SGPP2: variants seen among roughly 807,000 people sequenced by gnomAD.
SGPP2 encodes the protein sphingosine 1-phosphate phosphohydrolase 2.
A neutral mutation model predicts 33.9 loss-of-function variants in SGPP2; 30 were observed. The ratio of observed to expected loss-of-function variants is 0.89; its 90% CI spans 0.66 to 1.20. The LOEUF is 1.20. Among genes scored for constraint, SGPP2 ranks in the 50% most tolerant of loss-of-function variants. The probability of loss-of-function intolerance (pLI) is 0.00; values close to 1 mark genes in which losing one functional copy is unlikely to be tolerated. For missense variants in SGPP2, 458 were observed against 532.1 expected (o/e 0.86, Z 1.37); for synonymous variants, 233 against 225.0 (o/e 1.04, Z -0.32).
At chr2:222,506,239 C>G (rs1168615815) in intron 2 of SGPP2, among the ~76,000 whole-genome samples, 1 of 152,208 alleles carries the variant, frequency 6.6e-6, no homozygotes, top group African/African-American at 2.4e-5. Context: ...AAAAAGTGAT[C>G]TCTTAAAGTT....
intron 3 of SGPP2, among the ~76,000 whole-genome samples, chr2:222,523,907 C>T (rs968281274): frequency 5.9e-5 from 9 of 152,106 alleles, no homozygotes; most frequent in Admixed American, 5.9e-4. Flanking sequence ...ACCTTAAGAA[C>T]AGACATGACA....
chr2:222,535,181 C>A (rs753677607), intron 4 of SGPP2, among the ~76,000 whole-genome samples: 5 of 151,778 alleles, frequency 3.3e-5, no homozygotes, highest in Non-Finnish European at 5.9e-5. Context: ...GTTCAAGACT[C>A]AGCCTGGCCA....
intron 1 of SGPP2, among the ~76,000 whole-genome samples, chr2:222,429,153 TA>T (rs1375378024): frequency 6.6e-6 from 1 of 152,100 alleles, no homozygotes; most frequent in African/African-American, 2.4e-5. Context: ...GGCTGTACAG[TA>T]TAGTCACTTA....
intron 1 of SGPP2, among the ~76,000 whole-genome samples, chr2:222,444,957 A>G (rs1697377911): frequency 6.6e-6 from 1 of 152,222 alleles, no homozygotes; most frequent in South Asian, 2.1e-4. Context: ...AGCTTTTAGC[A>G]TGCAAGCATC....
intron 2 of SGPP2, among the ~76,000 whole-genome samples, chr2:222,515,680 A>T (rs1415727662): frequency 2.6e-5 from 4 of 152,148 alleles, no homozygotes; most frequent in African/African-American, 9.7e-5. Flanking sequence ...TATACAATTC[A>T]CCCATTTAAA....
intron 1 of SGPP2, among the ~76,000 whole-genome samples, chr2:222,471,857 T>C (rs1697848203): frequency 6.6e-6 from 1 of 152,234 alleles, no homozygotes; most frequent in South Asian, 2.1e-4. Context: ...ATTAAAATTA[T>C]GCTTTTTAGT....
chr2:222,494,225 G>A (rs1305163767), intron 2 of SGPP2, among the ~76,000 whole-genome samples: 2 of 152,100 alleles, frequency 1.3e-5, no homozygotes, highest in Non-Finnish European at 2.9e-5. Flanking sequence ...CGCAAATGAA[G>A]CCAATTAAGA....
chr2:222,476,323 G>A lies in SGPP2; in HGVS notation c.378+1597G>A, dbSNP rs7599949. Among the ~76,000 whole-genome samples the A allele has an allele frequency of 0.11, 16,280 of 152,066 alleles. 1,161 individuals are homozygous for A. Among genetic ancestry groups the A allele is most frequent in the African/African-American group, 0.2 (8,080 of 41,406 alleles). On this transcript the variant is annotated intron_variant, in intron 2 of 4. Transcript: ENST00000321276. The surrounding 1 kb of genome is among the most constrained non-coding windows in gnomAD (Gnocchi z 4.3). ...TGGGCCAGGGTGAGGGGTGGCAAGG[G>A]CGGGGTATCCACACAAATTCTTCAC... is the stretch of plus-strand genomic sequence containing the variant.
intron 1 of SGPP2, among the ~76,000 whole-genome samples, chr2:222,468,335 A>G (rs1205912001): frequency 1.3e-5 from 2 of 151,934 alleles, no homozygotes; most frequent in Admixed American, 6.6e-5. Context: ...ATCATTTTAT[A>G]TAGTAGGCCC....
chr2:222,513,961 A>G (rs1698567012), intron 2 of SGPP2, among the ~76,000 whole-genome samples: 1 of 152,246 alleles, frequency 6.6e-6, no homozygotes. Flanking sequence ...AAATGGAATC[A>G]TACAATGTGT....
chr2:222,473,924 CAA>C (rs59649395), intron 1 of SGPP2, among the ~76,000 whole-genome samples: 7,292 of 127,392 alleles, frequency 0.057, 374 homozygotes, highest in East Asian at 0.26. Flanking sequence ...AACTCTGTCT[CAA>C]AAAAAAAAAA....
At chr2:222,515,444 T>G (rs1698590446) in intron 2 of SGPP2, among the ~76,000 whole-genome samples, 1 of 152,120 alleles carries the variant, frequency 6.6e-6, no homozygotes, top group South Asian at 2.1e-4. Context: ...TTCTGCTGCC[T>G]CAGCCTCCTG....
At chr2:222,517,230 G>C (rs1389882109) in intron 2 of SGPP2, among the ~76,000 whole-genome samples, 1 of 152,170 alleles carries the variant, frequency 6.6e-6, no homozygotes, top group Non-Finnish European at 1.5e-5. Context: ...GCCCTAAATA[G>C]GAACAGGCAT....
chr2:222,543,193 T>C (rs1699022925), intron 4 of SGPP2, among the ~76,000 whole-genome samples: 1 of 152,246 alleles, frequency 6.6e-6, no homozygotes, highest in South Asian at 2.1e-4. Context: ...TTTGTGAGGT[T>C]TTATTGTTTT....
chr2:222,497,399 A>G (rs1698299199), intron 2 of SGPP2, among the ~76,000 whole-genome samples: 1 of 151,570 alleles, frequency 6.6e-6, no homozygotes, highest in African/African-American at 2.4e-5. Flanking sequence ...GGACTATGTC[A>G]CCACAGCCAG....
At position 222,550,553 on chromosome 2, in the gene SGPP2, C is replaced by T. The variant is rs1444841101; in HGVS notation, c.649-7794C>T. Among the ~76,000 whole-genome samples, 1 of 152,156 alleles carries T rather than the reference C, an allele frequency of 6.6e-6. No homozygotes were observed. The highest frequency in any genetic ancestry group is 2.4e-5 in the African/African-American group (1 of 41,432). On this transcript the variant is annotated intron_variant, in intron 4 of 4. Coordinates refer to ENST00000321276, the MANE Select transcript of SGPP2 (RefSeq NM_152386.4). This position sits in a 1 kb window ranked among gnomAD's most constrained non-coding sequence, Gnocchi z 4.5. Reference sequence around the variant, plus strand: ...AATTAGGATCATACTTTCTGTAAAGCTTGTATTCTGTTTAAAACATCTCAC... The same window carrying T: ...AATTAGGATCATACTTTCTGTAAAGTTTGTATTCTGTTTAAAACATCTCAC...
chr2:222,448,452 T>C (rs543697912), intron 1 of SGPP2, among the ~76,000 whole-genome samples: 2 of 152,306 alleles, frequency 1.3e-5, no homozygotes, highest in East Asian at 3.9e-4. Flanking sequence ...ACACTTACTC[T>C]CCCACTTGTT....
At chr2:222,493,485 G>T (rs1339058870) in intron 2 of SGPP2, among the ~76,000 whole-genome samples, 1 of 152,144 alleles carries the variant, frequency 6.6e-6, no homozygotes, top group Non-Finnish European at 1.5e-5. Flanking sequence ...TACCATCCAA[G>T]ATGAGATTTG....
chr2:222,474,643 G>A lies in SGPP2; in HGVS notation c.295G>A (p.Glu99Lys). The part of the protein sequence containing the change: ...LFQFSAALGQ[E>K]VFYITFLPFT... ...CCAATTTTCAGCTGCTTTGGGCCAA[G>A]AAGTGTTCTACATCACGTTTCTTCC... Residue 99 changes from glutamate (E) to lysine (K), a missense_variant, in exon 2 of 5, where the codon GAA (glutamate) becomes AAA (lysine). Transcript: ENST00000321276. 6.2e-7 allele frequency: 1 copy of A among 1,613,932 alleles called. No individual in the cohort carries two copies. The highest frequency in any genetic ancestry group is 8.5e-7 in the Non-Finnish European group (1 of 1,179,920).
Sources: gnomAD v4.1 joint callset for allele counts (sites outside exome capture counted in the v4.1 genomes callset) on GRCh38, gnomAD v4.1.1 for gene constraint, Gnocchi (gnomAD v3.1) non-coding constraint, MANE v1.5 for transcripts, NCBI Gene and HGNC (gene_info 2026-07-23, HGNC 2026-07-21) for gene names.